ZNF664: variants seen among roughly 807,000 people sequenced by gnomAD.
ZNF664 encodes the protein zinc finger Organ of Corti 1.
Under a neutral mutation model 18.2 loss-of-function variants are expected in ZNF664, and 10 were observed. The observed-to-expected ratio is 0.55, with a 90% CI of 0.34 to 0.93. The LOEUF (loss-of-function observed/expected upper bound fraction) is 0.93, where lower values mean the gene tolerates loss of function less well. Among genes scored for constraint, ZNF664 ranks in the 40% least tolerant of loss-of-function variants. The pLI, the probability that ZNF664 is intolerant of heterozygous loss-of-function variation, is 0.02. For synonymous variants in ZNF664, 119 were observed against 104.2 expected (o/e 1.14, Z -0.86); for missense variants, 193 against 319.0 (o/e 0.61, Z 3.01).
At chr12:124,004,122 C>T (rs947675046) in intron 3 of ZNF664, among the ~76,000 whole-genome samples, 2 of 152,116 alleles carry the variant, frequency 1.3e-5, no homozygotes, top group African/African-American at 4.8e-5. Flanking sequence ...AGGGAGCACC[C>T]GGTGTCCAAG....
intron 2 of ZNF664, among the ~76,000 whole-genome samples, chr12:123,979,879 T>A (rs1956742049): frequency 6.6e-6 from 1 of 152,128 alleles, no homozygotes; most frequent in South Asian, 2.1e-4. Context: ...AGACGGAGTC[T>A]CACCACGTTA....
Position 123,997,438 on chromosome 12 carries a change from C to T in ZNF664, c.-661+9300C>T, listed in dbSNP as rs542835910. Among the ~76,000 whole-genome samples, 37 of 152,304 alleles carry T rather than the reference C, an allele frequency of 2.4e-4. No individual in the cohort carries two copies. The South Asian group carries it at 6.0e-3, about 25-fold the overall frequency. ...GGATTAAGGTGGCAGCAGGGCCGTG[C>T]TCCCTTTGAAGGCTTTACAGGAGAA... is the stretch of plus-strand genomic sequence containing the variant. On this transcript the variant is annotated intron_variant, in intron 3 of 4. Transcript: ENST00000337815.
chr12:123,988,193 A>G, intron 3 of ZNF664, 55 bp downstream of exon 3: 1 of 1,229,712 alleles, frequency 8.1e-7, no homozygotes. Context: ...CCCCTTGAGT[A>G]TTTTAAGCCA....
At chr12:123,992,885 C>A (rs962280119) in intron 3 of ZNF664, among the ~76,000 whole-genome samples, 1 of 152,114 alleles carries the variant, frequency 6.6e-6, no homozygotes, top group African/African-American at 2.4e-5. Flanking sequence ...TATGGCTGTG[C>A]TTGGGCTACT....
chr12:123,974,133 C>G (rs993924063), intron 2 of ZNF664, 113 bp downstream of exon 2: 1 of 704,124 alleles, frequency 1.4e-6, no homozygotes, highest in Admixed American at 4.3e-5. Flanking sequence ...TTCTCATGAA[C>G]TCCGTATACC....
chr12:123,992,789 C>A lies in ZNF664; in HGVS notation c.-661+4651C>A, dbSNP rs140933841. Among the ~76,000 whole-genome samples, 763 of 152,244 alleles carry A rather than the reference C, an allele frequency of 5.0e-3. 5 individuals carry two copies. The highest frequency in any genetic ancestry group is 0.016 in the African/African-American group (653 of 41,522). ...ATGCATTGGTGCCTGAACTGACAGG[C>A]CTTTGAGTCAACAGAACCTGGAATA... On this transcript the variant is annotated intron_variant, in intron 3 of 4. Coordinates refer to ENST00000337815, the MANE Select transcript of ZNF664 (RefSeq NM_152437.3).
rs771513731 is a variant in ZNF664, at chr12:124,012,629, A to G, written c.485A>G (p.Gln162Arg). 1 of 1,614,220 alleles carries G rather than the reference A, an allele frequency of 6.2e-7. No homozygotes were observed. Among genetic ancestry groups the G allele is most frequent in the South Asian group, 1.1e-5 (1 of 91,086 alleles). The change falls in exon 5 of 5, where the codon CAA becomes CGA. Residue 162 changes from glutamine to arginine, a missense_variant. Gln to Arg is a conservative substitution (Grantham distance 43). Coordinates refer to ENST00000337815, the MANE Select transcript of ZNF664 (RefSeq NM_152437.3). ...CACACCTCCAGCCTCTGCATGCATC[A>G]AAGAGTCCACACAGGAGAGAAACCC... Reference protein sequence around the residue: ...FRHTSSLCMHQRVHTGEKPYK... With the variant: ...FRHTSSLCMHRRVHTGEKPYK...
chr12:123,990,003 G>A (rs747854102), intron 3 of ZNF664, among the ~76,000 whole-genome samples: 3 of 152,152 alleles, frequency 2.0e-5, no homozygotes, highest in Non-Finnish European at 4.4e-5. Context: ...TGCTTGCTTT[G>A]GTTTGCCAGA....
Position 124,013,116 on chromosome 12 carries a change from G to A in ZNF664, c.*186G>A, listed in dbSNP as rs551305598. 41 of 855,880 alleles carry A rather than the reference G, an allele frequency of 4.8e-5. 1 individual carries two copies. In the South Asian group the frequency reaches 7.2e-4, roughly 15 times the overall value. 53.0% of individuals were successfully genotyped at this position (855,880 alleles called of 1,614,324 possible). A position where few individuals can be genotyped will look rare whatever the true frequency, so the allele number is the denominator to read the frequency against. The stretch of plus-strand genomic sequence containing the variant: ...TGTGTTCCACAGGTTGACTTTGAAT[G>A]TGGACCTCTGAGCATCCACGCAGGA... On this transcript the variant is annotated 3_prime_UTR_variant, in exon 5 of 5. Coordinates refer to ENST00000337815, the MANE Select transcript of ZNF664 (RefSeq NM_152437.3).
intron 2 of ZNF664, among the ~76,000 whole-genome samples, chr12:123,977,462 CAAA>C (rs58043898): frequency 0.059 from 5,569 of 94,164 alleles, 362 homozygotes; most frequent in African/African-American, 0.18. Flanking sequence ...CTAAAATGGC[CAAA>C]AAAAAAAAAA....
chr12:123,993,174 A>G (rs1210841408), intron 3 of ZNF664, among the ~76,000 whole-genome samples: 1 of 152,102 alleles, frequency 6.6e-6, no homozygotes, highest in Non-Finnish European at 1.5e-5. Context: ...TCAAGGAGAG[A>G]GGTCTAGGAC....
chr12:123,981,599 T>C (rs571611017), intron 2 of ZNF664, among the ~76,000 whole-genome samples: 1 of 152,136 alleles, frequency 6.6e-6, no homozygotes, highest in South Asian at 2.1e-4. Context: ...AGAGATAAAT[T>C]TCTTCATAAA....
At chr12:123,983,640 A>G (rs551021116) in intron 2 of ZNF664, among the ~76,000 whole-genome samples, 4 of 152,328 alleles carry the variant, frequency 2.6e-5, no homozygotes, top group African/African-American at 9.6e-5. Context: ...AATAATTGGA[A>G]CCATTTTTCT....
intron 3 of ZNF664, among the ~76,000 whole-genome samples, chr12:123,993,707 T>C (rs992413300): frequency 6.6e-6 from 1 of 152,178 alleles, no homozygotes; most frequent in Non-Finnish European, 1.5e-5. Flanking sequence ...ACGTTTCCTT[T>C]AATTTATTTT....
chr12:123,973,605 GC>G, intron 1 of ZNF664: 1 of 404,282 alleles, frequency 2.5e-6, no homozygotes, highest in Admixed American at 6.2e-5. Context: ...GTGCGGGGGA[GC>G]GGGGCCGGGG....
At chr12:123,999,751 A>G (rs1048703763) in intron 3 of ZNF664, among the ~76,000 whole-genome samples, 19 of 152,216 alleles carry the variant, frequency 1.2e-4, no homozygotes, top group Admixed American at 7.9e-4. Flanking sequence ...CGGGCAGTAC[A>G]TGTACCTTGA....
At chr12:124,002,016 C>T (rs1957018225) in intron 3 of ZNF664, among the ~76,000 whole-genome samples, 1 of 152,106 alleles carries the variant, frequency 6.6e-6, no homozygotes, top group Non-Finnish European at 1.5e-5. Flanking sequence ...TAATTCCAGG[C>T]AGTAAGTGGT....
intron 3 of ZNF664, 108 bp downstream of exon 3, chr12:123,988,246 T>C: frequency 9.6e-7 from 1 of 1,046,204 alleles, no homozygotes; most frequent in Non-Finnish European, 1.2e-6. Context: ...CCCTTTGGGC[T>C]CAGTGAGGAA....
chr12:123,984,220 G>C (rs1327770593), intron 2 of ZNF664, among the ~76,000 whole-genome samples: 1 of 152,192 alleles, frequency 6.6e-6, no homozygotes, highest in Non-Finnish European at 1.5e-5. Flanking sequence ...CCGGCCAACT[G>C]ATAATACTGG....
Sources: allele counts gnomAD v4.1 joint callset (sites outside exome capture counted in the v4.1 genomes callset), GRCh38; gene constraint gnomAD v4.1.1; transcripts MANE v1.5; gene names NCBI Gene and HGNC (gene_info 2026-07-23, HGNC 2026-07-21).